The following CACNA1E variants were observed in gnomAD, a reference collection of about 807,000 sequenced individuals.
CACNA1E encodes voltage-dependent R-type calcium channel subunit alpha-1E.
Under a neutral mutation model 259.2 loss-of-function variants are expected in CACNA1E, and 40 were observed. The ratio of observed to expected loss-of-function variants is 0.15; its 90% CI spans 0.12 to 0.20. The LOEUF is 0.20. Among genes scored for constraint, CACNA1E ranks in the 10% least tolerant of loss-of-function variants. CACNA1E has a pLI of 1.00. For synonymous variants in CACNA1E, 1,104 were observed against 1,138.5 expected, an observed-to-expected ratio of 0.97 and a Z score of 0.61; for missense variants, 1,874 against 3,040.1, an observed-to-expected ratio of 0.62 and a Z score of 9.02.
chr1:181,644,627 C>T (rs184992062), intron 6 of CACNA1E, among the ~76,000 whole-genome samples: 6 of 152,208 alleles, frequency 3.9e-5, no homozygotes, highest in Non-Finnish European at 7.3e-5. Flanking sequence ...TGATAGAATG[C>T]CTTAAATCAA....
intron 7 of CACNA1E, among the ~76,000 whole-genome samples, chr1:181,694,526 G>T (rs1490685739): frequency 6.6e-6 from 1 of 152,132 alleles, no homozygotes; most frequent in Non-Finnish European, 1.5e-5. Context: ...CTTGATAAAA[G>T]GATGAATTCA....
rs751178486 is a variant in CACNA1E, at chr1:181,752,149, C to A, written c.3738C>A (p.Asn1246Lys). 51 of 1,612,986 alleles carry A rather than the reference C, an allele frequency of 3.2e-5. No homozygotes were observed. The highest frequency in any genetic ancestry group is 4.2e-5 in the Non-Finnish European group (50 of 1,179,082). ...GGGGGCCTCTCCCCTGCAGAACCAA[C>A]AAAGGACGGGACATCAAGACCATCA... ...AFALANALGT[N>K]KGRDIKTIKS... Residue 1246 changes from asparagine (N) to lysine (K), a missense_variant, in exon 27 of 48, where the codon AAC (asparagine) becomes AAA (lysine). Around this residue, in one of 14 missense-constraint regions of CACNA1E, gnomAD observed 188 missense variants for 540.6 expected, o/e 0.35. Transcript: ENST00000367573.
At chr1:181,329,207 C>T (rs1240144929) in intron 1 of CACNA1E, among the ~76,000 whole-genome samples, 1 of 152,102 alleles carries the variant, frequency 6.6e-6, no homozygotes, top group Non-Finnish European at 1.5e-5. Context: ...TATGTCTCGA[C>T]CTTGTCTTCT....
intron 1 of CACNA1E, among the ~76,000 whole-genome samples, chr1:181,504,326 C>T (rs1379785495): frequency 6.6e-6 from 1 of 152,146 alleles, no homozygotes; most frequent in Non-Finnish European, 1.5e-5. Context: ...CCGACTGCTC[C>T]CCACAAAAGC....
At chr1:181,484,058 T>A (rs1663557807) in intron 1 of CACNA1E, 48 bp downstream of exon 1, 1 of 1,573,250 alleles carries the variant, frequency 6.4e-7, no homozygotes, top group African/African-American at 1.3e-5. Context: ...TTGCATTTCT[T>A]CGGGTGAAGG....
At chr1:181,595,250 C>G (rs1220093409) in intron 6 of CACNA1E, among the ~76,000 whole-genome samples, 1 of 152,120 alleles carries the variant, frequency 6.6e-6, no homozygotes, top group East Asian at 1.9e-4. Context: ...ATGATGCCAT[C>G]CTTGAATGAA....
At chr1:181,660,370 A>T (rs2102128229) in intron 7 of CACNA1E, among the ~76,000 whole-genome samples, 1 of 152,358 alleles carries the variant, frequency 6.6e-6, no homozygotes, top group African/African-American at 2.4e-5. Flanking sequence ...TAGACTAATT[A>T]TGGAAATATT....
At chr1:181,456,011 G>A (rs1661441979) in intron 2 of CACNA1E, among the ~76,000 whole-genome samples, 1 of 152,226 alleles carries the variant, frequency 6.6e-6, no homozygotes, top group Non-Finnish European at 1.5e-5. Context: ...AATGGGAAGA[G>A]AGCCTGTTTG....
At chr1:181,632,713 C>T (rs976762661) in intron 6 of CACNA1E, among the ~76,000 whole-genome samples, 1 of 150,614 alleles carries the variant, frequency 6.6e-6, no homozygotes, top group African/African-American at 2.5e-5. Context: ...TGTGTCAACA[C>T]CGTGGAAATG....
At chr1:181,546,717 A>G (rs564051533) in intron 3 of CACNA1E, among the ~76,000 whole-genome samples, 65 of 152,314 alleles carry the variant, frequency 4.3e-4, no homozygotes, top group Middle Eastern at 3.4e-3. Context: ...GACAGTGCAC[A>G]TTCATCAGCT....
intron 7 of CACNA1E, among the ~76,000 whole-genome samples, chr1:181,682,248 G>A (rs1028434101): frequency 6.6e-6 from 1 of 152,312 alleles, no homozygotes; most frequent in East Asian, 1.9e-4. Flanking sequence ...GACTTTGTCA[G>A]ATTTTTCTTA....
Position 181,786,957 on chromosome 1 carries a change from A to AT in CACNA1E, c.5786+1148dup, listed in dbSNP as rs550797444. Among the ~76,000 whole-genome samples, 472 of 150,210 alleles carry AT rather than the reference A, an allele frequency of 3.1e-3. 6 individuals carry two copies. Among genetic ancestry groups the AT allele is most frequent in the Admixed American group, 8.5e-3 (128 of 15,068 alleles). ...AAGGATGAGAGTCATGACCAAGGTC[A>AT]TTTTTTTTTTAAATAATTTGATGTT... On this transcript the variant is annotated intron_variant, in intron 43 of 47. Transcript: ENST00000367573.
At chr1:181,754,448 AGAAAATAACCT>A (rs1301017419) in intron 27 of CACNA1E, among the ~76,000 whole-genome samples, 1 of 152,236 alleles carries the variant, frequency 6.6e-6, no homozygotes. Flanking sequence ...CTAAAAACCT[AGAAAATAACCT>A]GAAAATGCCC....
intron 6 of CACNA1E, among the ~76,000 whole-genome samples, chr1:181,611,236 C>T (rs1572373741): frequency 1.3e-5 from 2 of 152,184 alleles, no homozygotes; most frequent in East Asian, 1.9e-4. Flanking sequence ...ACTTCTACCT[C>T]TCACTGTCTC....
intron 6 of CACNA1E, among the ~76,000 whole-genome samples, chr1:181,623,533 C>T (rs1226182371): frequency 6.6e-6 from 1 of 152,050 alleles, no homozygotes; most frequent in Non-Finnish European, 1.5e-5. Context: ...AATTGAACAG[C>T]AATAAAATAC....
At chr1:181,796,930 C>A in intron 47 of CACNA1E, 72 bp downstream of exon 47, 2 of 1,173,064 alleles carry the variant, frequency 1.7e-6, no homozygotes, top group South Asian at 1.7e-5. Flanking sequence ...AGATGCAAGT[C>A]GTGAGCATTT....
chr1:181,427,250 C>A (rs1659349859), intron 2 of CACNA1E, among the ~76,000 whole-genome samples: 1 of 151,022 alleles, frequency 6.6e-6, no homozygotes, highest in Non-Finnish European at 1.5e-5. Flanking sequence ...CCATCTCAAC[C>A]CTCACCCATC....
At chr1:181,366,332 C>A (rs1654265883) in intron 1 of CACNA1E, among the ~76,000 whole-genome samples, 1 of 152,166 alleles carries the variant, frequency 6.6e-6, no homozygotes, top group South Asian at 2.1e-4. Flanking sequence ...CAAGGCAATG[C>A]AATGTGCTAG....
chr1:181,602,612 G>T (rs1653851398), intron 6 of CACNA1E, among the ~76,000 whole-genome samples: 1 of 152,134 alleles, frequency 6.6e-6, no homozygotes, highest in African/African-American at 2.4e-5. Flanking sequence ...CACTGTATTT[G>T]TTCTAGTTAC....
Sources: allele counts gnomAD v4.1 joint callset (sites outside exome capture counted in the v4.1 genomes callset), GRCh38; gene constraint gnomAD v4.1.1; regional missense constraint gnomAD v4.1.1; transcripts MANE v1.5; gene names NCBI Gene and HGNC (gene_info 2026-07-23, HGNC 2026-07-21).